DCLK3: variants seen among roughly 807,000 people sequenced by gnomAD.
DCLK3 encodes doublecortin like kinase 3.
Under a neutral mutation model 46.4 loss-of-function variants are expected in DCLK3, and 30 were observed. That is an observed-to-expected ratio of 0.65 (90% confidence interval 0.48 to 0.88). The LOEUF (loss-of-function observed/expected upper bound fraction) is 0.88. DCLK3 is among the 40% of genes least tolerant of loss of function. The pLI is 0.00. For synonymous variants in DCLK3, 401 were observed against 339.2 expected (o/e 1.18, Z -2.00); for missense variants, 846 against 907.1 (o/e 0.93, Z 0.87).
intron 4 of DCLK3, 42 bp downstream of exon 4, chr3:36,717,968 C>T: frequency 6.2e-7 from 1 of 1,611,620 alleles, no homozygotes; most frequent in Non-Finnish European, 8.5e-7. Context: ...ACCTGAAAAA[C>T]CCATCCGCTC....
At chr3:36,748,691 C>T (rs763989341) in intron 1 of DCLK3, among the ~76,000 whole-genome samples, 58 of 152,090 alleles carry the variant, frequency 3.8e-4, no homozygotes, top group Non-Finnish European at 7.1e-4. Context: ...TCCGTGAGGC[C>T]TCGGACCTGC....
intron 2 of DCLK3, among the ~76,000 whole-genome samples, chr3:36,731,281 A>C (rs890732654): frequency 6.6e-6 from 1 of 152,086 alleles, no homozygotes; most frequent in Non-Finnish European, 1.5e-5. Context: ...AACATGCCGG[A>C]AACTGATTTC....
chr3:36,731,005 C>T (rs1362432523), intron 2 of DCLK3, among the ~76,000 whole-genome samples: 3 of 151,986 alleles, frequency 2.0e-5, no homozygotes, highest in African/African-American at 7.2e-5. Context: ...ATGGAGTCCA[C>T]ATCATATAAG....
Position 36,755,567 on chromosome 3 carries a change from T to C in DCLK3, c.82+8615A>G, listed in dbSNP as rs138785768. 8.2e-3 allele frequency among the ~76,000 whole-genome samples: 1,254 copies of C among 152,194 alleles called. 7 individuals are homozygous for C. Among genetic ancestry groups the C allele is most frequent in the Non-Finnish European group, 0.013 (883 of 68,000 alleles). On this transcript the variant is annotated intron_variant, in intron 1 of 4. Transcript: ENST00000636136. ...TAACTTCCAGATGAATTAAAAACCA[T>C]AGAGAAACATAAATTTTACTTTAAT...
intron 2 of DCLK3, among the ~76,000 whole-genome samples, chr3:36,736,322 G>A (rs568375826): frequency 6.6e-6 from 1 of 152,130 alleles, no homozygotes; most frequent in Non-Finnish European, 1.5e-5. Context: ...ATGAAGCAAC[G>A]CAGTCAGTCA....
rs755822985 is a variant in DCLK3, at chr3:36,718,093, T to C, written c.2177A>G (p.Glu726Gly). Residue 726 changes from glutamate to glycine, a missense_variant, in exon 4 of 5, where the codon GAG (glutamate) becomes GGG (glycine). By Grantham distance (98) the Glu-to-Gly change is moderately conservative. Coordinates refer to ENST00000636136, the MANE Select transcript of DCLK3 (RefSeq NM_001394672.2). ...GTTAAAGAGCTCGTCCTGGTCCCTC[T>C]CAGGGCTGCGGAATGGGGGAAAGCC... Reference protein sequence around the residue: ...LCGFPPFRSPERDQDELFNII... With the variant: ...LCGFPPFRSPGRDQDELFNII... The C allele has an allele frequency of 8.1e-6, 13 of 1,614,030 alleles. No individual in the cohort carries two copies. Among genetic ancestry groups the C allele is most frequent in the Non-Finnish European group, 1.1e-5 (13 of 1,180,030 alleles).
intron 1 of DCLK3, among the ~76,000 whole-genome samples, chr3:36,755,347 C>T (rs73054253): frequency 0.17 from 25,828 of 151,888 alleles, 2,350 homozygotes; most frequent in East Asian, 0.31. Flanking sequence ...TGTCTTGGTA[C>T]TTGCACAAGA....
rs1255002097 is a variant in DCLK3 at position 36,737,582 on chromosome 3, G to T, written c.1585C>A (p.Arg529=). Residue 529 remains arginine (R), a synonymous_variant, in exon 2 of 5, where the codon CGG becomes AGG. Transcript: ENST00000636136. This position sits in a 1 kb window ranked among gnomAD's most constrained non-coding sequence, Gnocchi z 4.4. ...GCAAAGTTCCCATCCCCAATGACCC[G>T]GCCAGTCTCATAATGCTTTTCCACA... is the stretch of plus-strand genomic sequence containing the variant. The part of the protein sequence containing the change: ...ANVEKHYETG[R]VIGDGNFAVV... The T allele has an allele frequency of 1.2e-6, 2 of 1,614,090 alleles. No individual in the cohort carries two copies. Among genetic ancestry groups the T allele is most frequent in the Non-Finnish European group, 1.7e-6 (2 of 1,180,018 alleles).
At chr3:36,758,539 G>C (rs1701509098) in intron 1 of DCLK3, among the ~76,000 whole-genome samples, 2 of 152,172 alleles carry the variant, frequency 1.3e-5, no homozygotes, top group Non-Finnish European at 2.9e-5. Flanking sequence ...TCCACTGTGT[G>C]AAGACACAAG....
At chr3:36,730,021 A>C (rs1380844046) in intron 2 of DCLK3, among the ~76,000 whole-genome samples, 1 of 152,104 alleles carries the variant, frequency 6.6e-6, no homozygotes, top group Non-Finnish European at 1.5e-5. Context: ...TACAAAAAAT[A>C]CCAAAATATT....
At chr3:36,723,142 T>C (rs966983953) in intron 2 of DCLK3, among the ~76,000 whole-genome samples, 4 of 152,224 alleles carry the variant, frequency 2.6e-5, no homozygotes, top group Non-Finnish European at 5.9e-5. Context: ...AAGGTGACTC[T>C]TGCTACATTT....
intron 1 of DCLK3, among the ~76,000 whole-genome samples, chr3:36,756,770 G>A (rs763331735): frequency 5.3e-5 from 8 of 152,060 alleles, no homozygotes; most frequent in Non-Finnish European, 1.0e-4. Context: ...GCTGTTAGGG[G>A]AAATGCCCTG....
At chr3:36,734,361 A>T (rs906295615) in intron 2 of DCLK3, among the ~76,000 whole-genome samples, 3 of 152,214 alleles carry the variant, frequency 2.0e-5, no homozygotes, top group African/African-American at 7.2e-5. Context: ...CATGTTTTAT[A>T]AATGTGCCAG....
Position 36,738,423 on chromosome 3 carries a change from G to T in DCLK3, c.744C>A (p.Ile248=), listed in dbSNP as rs1701299838. ...CKAAMRHQGK[I]PEELSLDDRA... ...TGTCATCTAGTGAAAGCTCCTCGGG[G>T]ATCTTCCCCTGGTGCCTCATGGCTG... The change falls in exon 2 of 5, where the codon ATC becomes ATA. Residue 248 remains isoleucine (I), a synonymous_variant. Transcript: ENST00000636136. 5 of 1,474,900 alleles carry T rather than the reference G, an allele frequency of 3.4e-6. No individual in the cohort carries two copies. Among genetic ancestry groups the T allele is most frequent in the Non-Finnish European group, 4.5e-6 (5 of 1,113,990 alleles). The allele number at this position is 1,474,900 out of a possible 1,614,324, so 91.4% of individuals were successfully genotyped here. A position where few individuals can be genotyped will look rare whatever the true frequency, so the allele number is the denominator to read the frequency against.
intron 1 of DCLK3, among the ~76,000 whole-genome samples, chr3:36,745,535 C>T (rs1478799642): frequency 1.3e-5 from 2 of 152,144 alleles, no homozygotes; most frequent in African/African-American, 4.8e-5. Context: ...CATCTAACAC[C>T]ACATTATTAA....
intron 1 of DCLK3, among the ~76,000 whole-genome samples, chr3:36,760,899 C>T (rs1559396013): frequency 6.6e-6 from 1 of 152,188 alleles, no homozygotes; most frequent in Non-Finnish European, 1.5e-5. Context: ...TTTGAATATG[C>T]CCATTTTACC....
Position 36,726,884 on chromosome 3 carries a change from A to T in DCLK3, c.1960-5225T>A, listed in dbSNP as rs2125524771. On this transcript the variant is annotated intron_variant, in intron 2 of 4. Coordinates refer to ENST00000636136, the MANE Select transcript of DCLK3 (RefSeq NM_001394672.2). ...TTTGGAAGGGAAGGAAAACAAAATAATGTGATACCAAAATGACCAGATGGA... is the reference window on the plus strand; with the variant it reads ...TTTGGAAGGGAAGGAAAACAAAATATTGTGATACCAAAATGACCAGATGGA... Among the ~76,000 whole-genome samples the T allele has an allele frequency of 1.3e-5, 2 of 152,324 alleles. 1 individual carries two copies. The highest frequency in any genetic ancestry group is 6.8e-3 in the Middle Eastern group (2 of 294).
At chr3:36,753,309 T>C (rs1311525096) in intron 1 of DCLK3, among the ~76,000 whole-genome samples, 1 of 152,184 alleles carries the variant, frequency 6.6e-6, no homozygotes, top group East Asian at 1.9e-4. Flanking sequence ...ATCCAACATG[T>C]ATGTTTTTTC....
At chr3:36,752,955 T>C (rs745657967) in intron 1 of DCLK3, among the ~76,000 whole-genome samples, 2 of 152,192 alleles carry the variant, frequency 1.3e-5, no homozygotes, top group African/African-American at 4.8e-5. Flanking sequence ...TAGTTCATGG[T>C]AATCATCAGT....
Sources: allele counts gnomAD v4.1 joint callset (sites outside exome capture counted in the v4.1 genomes callset), GRCh38; gene constraint gnomAD v4.1.1; non-coding constraint Gnocchi (gnomAD v3.1); transcripts MANE v1.5; gene names NCBI Gene and HGNC (gene_info 2026-07-23, HGNC 2026-07-21).